Variants in AZIN1 observed in about 807,000 individuals in gnomAD.
The protein encoded by AZIN1 is antizyme inhibitor 1.
Under a neutral mutation model 47.4 loss-of-function variants are expected in AZIN1, and 12 were observed. The observed-to-expected ratio is 0.25, with a 90% CI of 0.16 to 0.41. The LOEUF (loss-of-function observed/expected upper bound fraction) is 0.41, where lower values mean the gene tolerates loss of function less well. AZIN1 is among the 10% of genes least tolerant of loss of function. The pLI, the probability that AZIN1 is intolerant of heterozygous loss-of-function variation, is 1.00. For missense variants in AZIN1, 410 were observed against 532.4 expected (o/e 0.77, Z 2.26); for synonymous variants, 155 against 176.3 (o/e 0.88, Z 0.96).
rs267601687 is a variant in AZIN1 at position 102,834,200 on chromosome 8, G to C, written c.730C>G (p.Gln244Glu). 6.2e-7 allele frequency: 1 copy of C among 1,612,318 alleles called. No individual in the cohort carries two copies. Among genetic ancestry groups the C allele is most frequent in the Non-Finnish European group, 8.5e-7 (1 of 1,179,364 alleles). Residue 244 changes from glutamine to glutamate, a missense_variant, in exon 8 of 12, where the codon CAA becomes GAA. Gln to Glu is a conservative substitution (Grantham distance 29, BLOSUM62 2). This residue lies in a region of AZIN1 where 237 missense variants were observed against 309.4 expected (regional missense o/e 0.77). Transcript: ENST00000337198. ...ACTGAGAAGTTTACCTCTTCCAATT[G>C]AAATTCAGTTCCCGTGAATCCTCCA... ...IGGGFTGTEF[Q>E]LEEVNHVISP...
chr8:102,844,849 C>CA (rs1162311187), intron 2 of AZIN1, among the ~76,000 whole-genome samples: 2 of 152,178 alleles, frequency 1.3e-5, no homozygotes, highest in African/African-American at 4.8e-5. Flanking sequence ...CCACTCAAAT[C>CA]AATGAAATAA....
intron 1 of AZIN1, among the ~76,000 whole-genome samples, chr8:102,859,401 C>T (rs1236075940): frequency 6.6e-6 from 1 of 152,178 alleles, no homozygotes; most frequent in African/African-American, 2.4e-5. Flanking sequence ...CATATATCCA[C>T]AGCTATTTTG....
At chr8:102,828,975 A>G (rs7016962) in intron 11 of AZIN1, among the ~76,000 whole-genome samples, 4,462 of 152,334 alleles carry the variant, frequency 0.029, 76 homozygotes, top group East Asian at 0.05. Context: ...AACTTAAGAT[A>G]CACAAACGCC....
intron 3 of AZIN1, among the ~76,000 whole-genome samples, chr8:102,841,749 G>A (rs972432517): frequency 2.7e-5 from 4 of 146,734 alleles, no homozygotes; most frequent in African/African-American, 1.0e-4. Flanking sequence ...GTTGAATACA[G>A]GAAATTTCCT....
chr8:102,856,561 T>G (rs544332500), intron 2 of AZIN1, among the ~76,000 whole-genome samples: 58 of 152,200 alleles, frequency 3.8e-4, no homozygotes, highest in Non-Finnish European at 7.1e-4. Flanking sequence ...CAAGGTAACT[T>G]TTCTTTAAAG....
intron 2 of AZIN1, among the ~76,000 whole-genome samples, chr8:102,848,399 C>CT (rs1288813772): frequency 1.4e-5 from 2 of 143,060 alleles, no homozygotes; most frequent in Non-Finnish European, 3.1e-5. Context: ...AACAAGTTTT[C>CT]TTTTTTTGTT....
At chr8:102,863,386 GGGGCTGCGGGACCCCGGCCCCTCA>G (rs568065195) in intron 1 of AZIN1, among the ~76,000 whole-genome samples, 12 of 151,740 alleles carry the variant, frequency 7.9e-5, no homozygotes, top group South Asian at 2.1e-4. Context: ...CCGCGGAGTA[GGGGCTGCGGGACCCCGGCCCCTCA>G]GGGCTGCGGC....
At chr8:102,862,699 T>C (rs572603848) in intron 1 of AZIN1, among the ~76,000 whole-genome samples, 1 of 152,304 alleles carries the variant, frequency 6.6e-6, no homozygotes, top group Non-Finnish European at 1.5e-5. Context: ...CCCCCTCCTT[T>C]GAGTCCTTAG....
intron 1 of AZIN1, among the ~76,000 whole-genome samples, chr8:102,860,413 C>T (rs527748441): frequency 6.6e-6 from 1 of 152,296 alleles, no homozygotes; most frequent in South Asian, 2.1e-4. Context: ...CAGGCATGTG[C>T]CACCATGCCC....
chr8:102,839,865 C>T lies in AZIN1; in HGVS notation c.103-42G>A, dbSNP rs147008839. On this transcript the variant is annotated intron_variant, in intron 3 of 11. Coordinates refer to ENST00000337198, the MANE Select transcript of AZIN1 (RefSeq NM_148174.4). ...AAAAAAGACAAATATGAACAAAAAACCATTGAAAATCAAGTATCAAAACAG... is the reference window on the plus strand; with the variant it reads ...AAAAAAGACAAATATGAACAAAAAATCATTGAAAATCAAGTATCAAAACAG... The T allele has an allele frequency of 1.4e-4, 210 of 1,459,662 alleles. 1 individual carries two copies. The African/African-American group carries it at 2.6e-3, about 18-fold the overall frequency. 90.4% of individuals were successfully genotyped at this position (1,459,662 alleles called of 1,614,324 possible).
chr8:102,834,385 G>T (rs936084983), intron 7 of AZIN1, 122 bp from the exon 8 acceptor site: 4 of 746,294 alleles, frequency 5.4e-6, no homozygotes, highest in Non-Finnish European at 8.6e-6. Context: ...CAAATTCTTG[G>T]TTTTTTACTG....
intron 2 of AZIN1, among the ~76,000 whole-genome samples, chr8:102,850,945 C>T (rs1201705737): frequency 6.6e-6 from 1 of 152,166 alleles, no homozygotes; most frequent in Non-Finnish European, 1.5e-5. Context: ...AATGAACTGC[C>T]TCACCATAAA....
chr8:102,851,146 T>C (rs1162172568), intron 2 of AZIN1, among the ~76,000 whole-genome samples: 1 of 152,210 alleles, frequency 6.6e-6, no homozygotes, highest in Non-Finnish European at 1.5e-5. Flanking sequence ...GTGAAATATT[T>C]ATATCCCTTT....
intron 2 of AZIN1, among the ~76,000 whole-genome samples, chr8:102,851,356 T>C (rs1266455658): frequency 1.3e-5 from 2 of 152,202 alleles, no homozygotes; most frequent in Admixed American, 1.3e-4. Context: ...GGAAAACATA[T>C]AGAATACATG....
At chr8:102,830,415 A>G (rs1401733859) in intron 9 of AZIN1, among the ~76,000 whole-genome samples, 4 of 151,666 alleles carry the variant, frequency 2.6e-5, no homozygotes, top group Admixed American at 2.6e-4. Context: ...AAAAAAAAAA[A>G]AAAAAGAAAA....
At chr8:102,846,267 G>A (rs940576555) in intron 2 of AZIN1, among the ~76,000 whole-genome samples, 6 of 152,136 alleles carry the variant, frequency 3.9e-5, no homozygotes, top group African/African-American at 1.4e-4. Flanking sequence ...AGGCCCACTG[G>A]ATCAAGTCTT....
At chr8:102,861,305 G>C (rs1213561930) in intron 1 of AZIN1, among the ~76,000 whole-genome samples, 1 of 151,490 alleles carries the variant, frequency 6.6e-6, no homozygotes, top group Non-Finnish European at 1.5e-5. Flanking sequence ...TCGGCTCACT[G>C]CAACCTCTGC....
chr8:102,856,399 A>T (rs895925823), intron 2 of AZIN1, among the ~76,000 whole-genome samples: 43 of 152,218 alleles, frequency 2.8e-4, no homozygotes, highest in African/African-American at 9.9e-4. Flanking sequence ...ATTCCCTCCT[A>T]CCCACAAAGA....
chr8:102,840,620 A>C (rs1812119719), intron 3 of AZIN1, among the ~76,000 whole-genome samples: 2 of 152,232 alleles, frequency 1.3e-5, no homozygotes, highest in Non-Finnish European at 2.9e-5. Context: ...GAATAAGAAT[A>C]ATCTTCCTTA....
Sources: gnomAD v4.1 joint callset for allele counts (sites outside exome capture counted in the v4.1 genomes callset) on GRCh38, gnomAD v4.1.1 for gene constraint, gnomAD v4.1.1 regional missense constraint, MANE v1.5 for transcripts, NCBI Gene and HGNC (gene_info 2026-07-23, HGNC 2026-07-21) for gene names.